PTPRD: variants seen among roughly 807,000 people sequenced by gnomAD.
PTPRD encodes receptor-type tyrosine-protein phosphatase delta.
A neutral mutation model predicts 214.5 loss-of-function variants in PTPRD; 34 were observed. The ratio of observed to expected loss-of-function variants is 0.16; its 90% confidence interval spans 0.12 to 0.21. PTPRD has a LOEUF of 0.21. Ranked by LOEUF, PTPRD falls within the 10% of genes least tolerant of loss-of-function variation. The pLI is 1.00. For synonymous variants in PTPRD, 1,128 were observed against 845.7 expected (o/e 1.33, Z -5.79); for missense variants, 2,545 against 2,398.7 (o/e 1.06, Z -1.27).
At chr9:9,542,637 A>G (rs960881561) in intron 8 of PTPRD, among the ~76,000 whole-genome samples, 1 of 151,742 alleles carries the variant, frequency 6.6e-6, no homozygotes, top group Non-Finnish European at 1.5e-5. Flanking sequence ...AAATGACCCA[A>G]TTAAATCTGA....
intron 3 of PTPRD, among the ~76,000 whole-genome samples, chr9:10,066,298 C>G (rs924813621): frequency 6.6e-6 from 1 of 151,728 alleles, no homozygotes; most frequent in Non-Finnish European, 1.5e-5. Context: ...ATATGTTTAT[C>G]TATTTGCATT....
Position 10,210,058 on chromosome 9 carries a change from A to G in PTPRD, c.-545+130905T>C, listed in dbSNP as rs145654888. On this transcript the variant is annotated intron_variant, in intron 3 of 45. Transcript: ENST00000381196. ...ATAATTTTAAAAGGTGAAAAAGTTT[A>G]TTTCTGAAAACATGTAGTAAAAAAT... 5.2e-3 allele frequency among the ~76,000 whole-genome samples: 785 copies of G among 152,274 alleles called. 4 individuals are homozygous for G. The highest frequency in any genetic ancestry group is 0.016 in the African/African-American group (684 of 41,556).
intron 9 of PTPRD, among the ~76,000 whole-genome samples, chr9:9,298,432 T>C (rs999727496): frequency 1.3e-5 from 2 of 151,792 alleles, no homozygotes; most frequent in East Asian, 1.9e-4. Flanking sequence ...GAATTTTAAC[T>C]TTCATGGCAG....
At chr9:10,272,429 G>T (rs1223899725) in intron 3 of PTPRD, among the ~76,000 whole-genome samples, 1 of 152,146 alleles carries the variant, frequency 6.6e-6, no homozygotes, top group Non-Finnish European at 1.5e-5. Flanking sequence ...AAATTTTGGG[G>T]TGGACATATG....
chr9:9,285,460 T>C (rs1267317864), intron 9 of PTPRD, among the ~76,000 whole-genome samples: 9 of 151,764 alleles, frequency 5.9e-5, no homozygotes, highest in Admixed American at 2.0e-4. Flanking sequence ...TGGTAACTAA[T>C]TGGAGGAATA....
At chr9:10,590,841 T>C (rs1263534739) in intron 2 of PTPRD, among the ~76,000 whole-genome samples, 1 of 151,610 alleles carries the variant, frequency 6.6e-6, no homozygotes, top group Non-Finnish European at 1.5e-5. Context: ...AAGTCACTAT[T>C]AGCCTGGAGG....
chr9:9,180,284 C>T (rs963745566), intron 10 of PTPRD, among the ~76,000 whole-genome samples: 4 of 152,026 alleles, frequency 2.6e-5, no homozygotes, highest in Admixed American at 6.6e-5. Context: ...ATGATGAGTT[C>T]ATGTCTTTTG....
At position 8,486,230 on chromosome 9, in the gene PTPRD, T is replaced by C. The variant is rs760062898; in HGVS notation, c.2587A>G (p.Lys863Glu). The C allele has an allele frequency of 6.2e-7, 1 of 1,614,208 alleles. No individual in the cohort carries two copies. Among genetic ancestry groups the C allele is most frequent in the Admixed American group, 1.7e-5 (1 of 60,022 alleles). ...AGAGTAGTAAGTGGCTCCATATCCTTGCGGCCAAATTTTAGACGGTAGCCC... is the reference window on the plus strand; with the variant it reads ...AGAGTAGTAAGTGGCTCCATATCCTCGCGGCCAAATTTTAGACGGTAGCCC... ...LQGYRLKFGR[K>E]DMEPLTTLEF... The change falls in exon 28 of 46, where the codon AAG (lysine) becomes GAG (glutamate). Residue 863 changes from lysine to glutamate, a missense_variant. Lys to Glu is a moderately conservative substitution (Grantham distance 56). Transcript: ENST00000381196.
chr9:10,250,301 C>G (rs371135288), intron 3 of PTPRD, among the ~76,000 whole-genome samples: 1 of 151,996 alleles, frequency 6.6e-6, no homozygotes, highest in East Asian at 1.9e-4. Flanking sequence ...GTTCTCTGAC[C>G]CTTTACTCAT....
chr9:8,978,798 C>A (rs570137584), intron 11 of PTPRD, among the ~76,000 whole-genome samples: 1 of 152,086 alleles, frequency 6.6e-6, no homozygotes, highest in African/African-American at 2.4e-5. Flanking sequence ...AAGTGAGGCT[C>A]AGAAAACGAA....
intron 3 of PTPRD, among the ~76,000 whole-genome samples, chr9:10,280,787 T>G (rs1182729016): frequency 6.6e-6 from 1 of 151,980 alleles, no homozygotes; most frequent in African/African-American, 2.4e-5. Context: ...TTTTTTTTTT[T>G]TATTTTCTGT....
At chr9:10,333,482 G>A (rs1326145743) in intron 3 of PTPRD, among the ~76,000 whole-genome samples, 2 of 151,798 alleles carry the variant, frequency 1.3e-5, no homozygotes, top group African/African-American at 2.4e-5. Flanking sequence ...AAACGACACA[G>A]AAACAGATAC....
intron 7 of PTPRD, among the ~76,000 whole-genome samples, chr9:9,594,944 T>C (rs936796404): frequency 8.8e-4 from 134 of 152,062 alleles, no homozygotes; most frequent in African/African-American, 3.1e-3. Context: ...TAGACAATTC[T>C]CAAAAGAAGA....
intron 9 of PTPRD, among the ~76,000 whole-genome samples, chr9:9,259,133 G>C (rs2099979006): frequency 6.6e-6 from 1 of 151,792 alleles, no homozygotes; most frequent in Non-Finnish European, 1.5e-5. Flanking sequence ...TTTATTGCAA[G>C]AGGACACTTG....
At chr9:8,416,354 G>A (rs1398762947) in intron 35 of PTPRD, among the ~76,000 whole-genome samples, 1 of 152,098 alleles carries the variant, frequency 6.6e-6, no homozygotes, top group African/African-American at 2.4e-5. Flanking sequence ...AATGCTATCA[G>A]CAGTTATCTC....
At chr9:9,926,554 C>T (rs913937990) in intron 5 of PTPRD, among the ~76,000 whole-genome samples, 3 of 151,890 alleles carry the variant, frequency 2.0e-5, no homozygotes, top group Non-Finnish European at 4.4e-5. Context: ...AAACCAAACT[C>T]TATGATTTAA....
At chr9:8,471,206 C>G (rs1236161166) in intron 30 of PTPRD, 121 bp from the exon 31 acceptor site, 3 of 734,372 alleles carry the variant, frequency 4.1e-6, no homozygotes, top group East Asian at 2.6e-5. Context: ...GGTGACTTGT[C>G]CATTTCTTAC....
At chr9:8,667,035 C>A (rs186478789) in intron 12 of PTPRD, among the ~76,000 whole-genome samples, 1 of 152,134 alleles carries the variant, frequency 6.6e-6, no homozygotes, top group East Asian at 1.9e-4. Context: ...ATTTGGAGGG[C>A]CAGTTTGAAA....
chr9:9,804,444 T>C (rs1398816493), intron 5 of PTPRD, among the ~76,000 whole-genome samples: 1 of 152,166 alleles, frequency 6.6e-6, no homozygotes, highest in East Asian at 1.9e-4. Context: ...AATTTATGAA[T>C]GTGTTCTAAA....
Sources: allele counts gnomAD v4.1 joint callset (sites outside exome capture counted in the v4.1 genomes callset), GRCh38; gene constraint gnomAD v4.1.1; transcripts MANE v1.5; gene names NCBI Gene and HGNC (gene_info 2026-07-23, HGNC 2026-07-21).